Variants in XRCC5 observed in about 807,000 individuals in gnomAD.
XRCC5 encodes the protein DNA repair protein Ku80.
Under a neutral mutation model 95.7 loss-of-function variants are expected in XRCC5, and 12 were observed. The observed-to-expected ratio is 0.13, with a 90% CI of 0.08 to 0.20. XRCC5 has a LOEUF of 0.20. XRCC5 is among the 10% of genes least tolerant of loss of function. The probability of loss-of-function intolerance (pLI) is 1.00; values close to 1 mark genes in which losing one functional copy is unlikely to be tolerated. For synonymous variants in XRCC5, 281 were observed against 290.3 expected, an observed-to-expected ratio of 0.97 and a Z score of 0.33; for missense variants, 595 against 873.9, an observed-to-expected ratio of 0.68 and a Z score of 4.02.
intron 16 of XRCC5, among the ~76,000 whole-genome samples, chr2:216,189,393 C>T (rs990104305): frequency 1.3e-5 from 2 of 152,216 alleles, no homozygotes; most frequent in African/African-American, 4.8e-5. Flanking sequence ...ACACACAGAT[C>T]TTAAGGGTCA....
intron 8 of XRCC5, 170 bp downstream of exon 8, chr2:216,127,844 T>C (rs1696921558): frequency 6.2e-6 from 4 of 641,304 alleles, no homozygotes; most frequent in Non-Finnish European, 9.3e-6. Flanking sequence ...ATTTGTTGGG[T>C]CTTAGGCAGG....
At chr2:216,141,408 A>G in intron 13 of XRCC5, 89 bp downstream of exon 13, 1 of 1,433,296 alleles carries the variant, frequency 7.0e-7, no homozygotes, top group Non-Finnish European at 9.5e-7. Flanking sequence ...TCCTAAATAA[A>G]TGTCTTTTTT....
chr2:216,200,784 T>C (rs1337384009), intron 19 of XRCC5, among the ~76,000 whole-genome samples: 1 of 152,220 alleles, frequency 6.6e-6, no homozygotes, highest in Admixed American at 6.5e-5. Flanking sequence ...TGCCTTTTTT[T>C]CATCAATTAT....
At chr2:216,148,436 A>T (rs1365906795) in intron 14 of XRCC5, among the ~76,000 whole-genome samples, 160 bp downstream of exon 14, 1 of 152,158 alleles carries the variant, frequency 6.6e-6, no homozygotes, top group Non-Finnish European at 1.5e-5. Context: ...TTGATTTCTT[A>T]TATCTGTCTG....
intron 9 of XRCC5, chr2:216,131,334 C>G (rs1460042189): frequency 2.2e-6 from 2 of 921,032 alleles, no homozygotes; most frequent in South Asian, 1.0e-4. Context: ...CTCATAATGT[C>G]TCAACTCTAG....
intron 19 of XRCC5, among the ~76,000 whole-genome samples, chr2:216,201,733 G>A (rs1203535374): frequency 3.3e-5 from 5 of 152,090 alleles, no homozygotes; most frequent in Admixed American, 6.6e-5. Flanking sequence ...GAAGAGATTC[G>A]GAGAATCTCT....
chr2:216,175,879 A>G, intron 16 of XRCC5: 1 of 424,210 alleles, frequency 2.4e-6, no homozygotes, highest in Non-Finnish European at 4.6e-6. Flanking sequence ...CTCTTAACCC[A>G]TCATCTGTAG....
chr2:216,138,719 A>G (rs956998767), intron 12 of XRCC5, among the ~76,000 whole-genome samples: 1 of 152,206 alleles, frequency 6.6e-6, no homozygotes, highest in African/African-American at 2.4e-5. Context: ...TCCTATATAG[A>G]ATTATTCTTA....
intron 14 of XRCC5, among the ~76,000 whole-genome samples, chr2:216,150,262 A>C (rs1194594956): frequency 1.3e-5 from 2 of 152,194 alleles, no homozygotes; most frequent in African/African-American, 2.4e-5. Flanking sequence ...AGAGCTGGGA[A>C]TCATTCCAGT....
chr2:216,182,578 A>G (rs1438560095), intron 16 of XRCC5, among the ~76,000 whole-genome samples: 1 of 152,110 alleles, frequency 6.6e-6, no homozygotes, highest in South Asian at 2.1e-4. Flanking sequence ...TGCCCTCCCT[A>G]GTCTTCACCC....
intron 11 of XRCC5, 130 bp from the exon 12 acceptor site, chr2:216,137,959 A>G (rs1009042081): frequency 1.4e-5 from 10 of 701,002 alleles, no homozygotes; most frequent in South Asian, 7.7e-5. Context: ...TTCACTTTTC[A>G]TATGCCAGAG....
chr2:216,134,582 A>G (rs1293245317), intron 10 of XRCC5, among the ~76,000 whole-genome samples: 1 of 151,678 alleles, frequency 6.6e-6, no homozygotes, highest in Non-Finnish European at 1.5e-5. Flanking sequence ...TGCCTGCCAC[A>G]ACGCCCGGCT....
intron 16 of XRCC5, among the ~76,000 whole-genome samples, chr2:216,185,145 G>A (rs934474748): frequency 6.6e-6 from 1 of 152,186 alleles, no homozygotes; most frequent in African/African-American, 2.4e-5. Flanking sequence ...TGAGTACCAA[G>A]GGATGCTAAG....
At chr2:216,198,575 A>T (rs1304433516) in intron 19 of XRCC5, among the ~76,000 whole-genome samples, 57 of 140,130 alleles carry the variant, frequency 4.1e-4, no homozygotes, top group African/African-American at 1.3e-3. Flanking sequence ...ATTTATTTAG[A>T]GACAGAGTCT....
chr2:216,193,435 A>G (rs184191518), intron 18 of XRCC5, among the ~76,000 whole-genome samples: 191 of 152,346 alleles, frequency 1.3e-3, no homozygotes, highest in Non-Finnish European at 1.9e-3. Flanking sequence ...CTTATACTAG[A>G]GATGCAAAAT....
chr2:216,156,629 G>A, intron 14 of XRCC5: 1 of 561,436 alleles, frequency 1.8e-6, no homozygotes, highest in African/African-American at 1.9e-5. Context: ...TGCATCATCT[G>A]CCTACATATA....
At chr2:216,184,829 G>T (rs956767466) in intron 16 of XRCC5, among the ~76,000 whole-genome samples, 1 of 152,152 alleles carries the variant, frequency 6.6e-6, no homozygotes, top group Non-Finnish European at 1.5e-5. Context: ...CTTAAAAGAG[G>T]CCATCCCCTT....
rs753048757 is a variant in XRCC5 at position 216,205,618 on chromosome 2, G to A, written c.*416G>A. ...GATGAGTTTCTTAACCCTTTCCAGA[G>A]TCCTCCTTTGCCTGATCCTCCAACA... On this transcript the variant is annotated 3_prime_UTR_variant, in exon 21 of 21. Transcript: ENST00000392132. The A allele has an allele frequency of 3.3e-4, 53 of 160,832 alleles. No homozygotes were observed. The highest frequency in any genetic ancestry group is 6.8e-4 in the Non-Finnish European group (50 of 73,940). The allele number at this position is 160,832 out of a possible 1,614,324, so 10.0% of individuals were successfully genotyped here.
In XRCC5 at chr2:216,198,925, A is replaced by G. The variant is rs541415652; in HGVS notation, c.2109+3939A>G. ...TGTAGAAGGGAGAGTGTACATGTAA[A>G]TGATAATGGGGAGAATTGCAGAGGA... On this transcript the variant is annotated intron_variant, in intron 19 of 20. Transcript: ENST00000392132. Among the ~76,000 whole-genome samples, 6 of 152,090 alleles carry G rather than the reference A, an allele frequency of 3.9e-5. No homozygotes were observed. In the South Asian group the frequency reaches 1.2e-3, roughly 32 times the overall value.
Sources: gnomAD v4.1 joint callset for allele counts (sites outside exome capture counted in the v4.1 genomes callset) on GRCh38, gnomAD v4.1.1 for gene constraint, MANE v1.5 for transcripts, NCBI Gene and HGNC (gene_info 2026-07-23, HGNC 2026-07-21) for gene names.